TRAF7: variants seen among roughly 807,000 people sequenced by gnomAD.
TRAF7 encodes E3 ubiquitin-protein ligase TRAF7.
In TRAF7, 45 loss-of-function variants were observed where a neutral mutation model predicts 89.3. That is an observed-to-expected ratio of 0.50 (90% CI 0.40 to 0.65). The LOEUF is 0.65. Among genes scored for constraint, TRAF7 ranks in the 30% least tolerant of loss-of-function variants. The probability of loss-of-function intolerance (pLI) is 0.00; values close to 1 mark genes in which losing one functional copy is unlikely to be tolerated. For synonymous variants in TRAF7, 406 were observed against 369.2 expected (o/e 1.10, Z -1.14); for missense variants, 677 against 918.1 (o/e 0.74, Z 3.39).
chr16:2,173,546 A>G lies in TRAF7; in HGVS notation c.1078A>G (p.Met360Val). 1 of 1,612,818 alleles carries G rather than the reference A, an allele frequency of 6.2e-7. No individual in the cohort carries two copies. The highest frequency in any genetic ancestry group is 1.1e-5 in the South Asian group (1 of 91,082). Residue 360 changes from methionine (M) to valine (V), a missense_variant, in exon 11 of 21, where the codon ATG (methionine) becomes GTG (valine). Coordinates refer to ENST00000326181, the MANE Select transcript of TRAF7 (RefSeq NM_032271.3). ...CATGGAGTTCCGGCGGGACGCATCC[A>G]TGTTAAATGTGAGCGGGCGGGGCTG... ...DLMEFRRDASMLNDELSHINA... is the reference protein window; with the variant it reads ...DLMEFRRDASVLNDELSHINA...
chr16:2,156,281 A>G (rs373745760), intron 1 of TRAF7, among the ~76,000 whole-genome samples: 1 of 152,072 alleles, frequency 6.6e-6, no homozygotes, highest in African/African-American at 2.4e-5. Flanking sequence ...GCTGCCCTGT[A>G]CATTGTAGGA....
At chr16:2,176,221 G>A (rs541358897) in intron 19 of TRAF7, 41 bp downstream of exon 19, 192 of 1,601,088 alleles carry the variant, frequency 1.2e-4, no homozygotes, top group Non-Finnish European at 1.6e-4. Context: ...TCAGAGGGCT[G>A]GCAGCTGAGC....
In TRAF7 at chr16:2,163,863, C is replaced by T; in HGVS notation, c.-38-20C>T. The T allele has an allele frequency of 2.7e-6, 4 of 1,500,796 alleles. No homozygotes were observed. Among genetic ancestry groups the T allele is most frequent in the Non-Finnish European group, 3.7e-6 (4 of 1,088,016 alleles). The allele number at this position is 1,500,796 out of a possible 1,614,324, so 93.0% of individuals were successfully genotyped here. A position where few individuals can be genotyped will look rare whatever the true frequency, so the allele number is the denominator to read the frequency against. On this transcript the variant is annotated intron_variant, in intron 1 of 20. Coordinates refer to ENST00000326181, the MANE Select transcript of TRAF7 (RefSeq NM_032271.3). This position sits in a 1 kb window ranked among gnomAD's most constrained non-coding sequence, Gnocchi z 4.3. ...CCTGGGCTCCATCTCTCAAGCCCCTCATTTGTGCTCCACCCACAGGAGGTG... is the reference window on the plus strand; with the variant it reads ...CCTGGGCTCCATCTCTCAAGCCCCTTATTTGTGCTCCACCCACAGGAGGTG...
chr16:2,176,965 A>G lies in TRAF7; in HGVS notation c.*391A>G. The G allele has an allele frequency of 4.7e-6, 2 of 422,184 alleles. No individual in the cohort carries two copies. The highest frequency in any genetic ancestry group is 5.0e-5 in the South Asian group (2 of 39,884). 26.2% of individuals were successfully genotyped at this position (422,184 alleles called of 1,614,324 possible). On this transcript the variant is annotated 3_prime_UTR_variant, in exon 21 of 21. Coordinates refer to ENST00000326181, the MANE Select transcript of TRAF7 (RefSeq NM_032271.3). The stretch of plus-strand genomic sequence containing the variant: ...CTGTGAGTGGGGACAGCTCCTCGGG[A>G]CAAGGGGGCTGTGTGTGGCCTTGAG...
chr16:2,173,677 G>T, intron 11 of TRAF7, 111 bp from the exon 12 acceptor site: 1 of 1,572,672 alleles, frequency 6.4e-7, no homozygotes, highest in South Asian at 1.1e-5. Flanking sequence ...TGTGGCAGGG[G>T]CTGCTGTCAC....
Position 2,163,842 on chromosome 16 carries a change from G to T in TRAF7, c.-38-41G>T. The T allele has an allele frequency of 7.6e-7, 1 of 1,317,442 alleles. No homozygotes were observed. Among genetic ancestry groups the T allele is most frequent in the Non-Finnish European group, 1.1e-6 (1 of 928,848 alleles). The allele number at this position is 1,317,442 out of a possible 1,614,324, so 81.6% of individuals were successfully genotyped here. ...AGCCCGTCTGACTCACAGGGGCCTG[G>T]GCTCCATCTCTCAAGCCCCTCATTT... On this transcript the variant is annotated intron_variant, in intron 1 of 20. Coordinates refer to ENST00000326181, the MANE Select transcript of TRAF7 (RefSeq NM_032271.3). This position sits in a 1 kb window ranked among gnomAD's most constrained non-coding sequence, Gnocchi z 4.3.
rs572859857 is a variant in TRAF7, at chr16:2,162,960, C to G, written c.-38-923C>G. On this transcript the variant is annotated intron_variant, in intron 1 of 20. Transcript: ENST00000326181. This position sits in a 1 kb window ranked among gnomAD's most constrained non-coding sequence, Gnocchi z 5.0. Reference sequence around the variant, plus strand: ...GAGGAGGGGCGCCTGCTGACAGAGCCTGGTGCCTCACGGGGGGAGAGTGGG... The same window carrying G: ...GAGGAGGGGCGCCTGCTGACAGAGCGTGGTGCCTCACGGGGGGAGAGTGGG... Among the ~76,000 whole-genome samples the G allele has an allele frequency of 5.3e-5, 8 of 151,368 alleles. No homozygotes were observed. The highest frequency in any genetic ancestry group is 4.6e-4 in the Admixed American group (7 of 15,306).
chr16:2,164,101 G>T, intron 2 of TRAF7, 100 bp downstream of exon 2: 2 of 1,168,334 alleles, frequency 1.7e-6, no homozygotes, highest in Non-Finnish European at 1.2e-6. Flanking sequence ...GTCCCGTCCC[G>T]AGCTGGGGTC....
At position 2,170,582 on chromosome 16, in the gene TRAF7, G is replaced by T. The variant is rs1051916026; in HGVS notation, c.232-32G>T. ...CCCCGAGGCTCTGACCCCGTGCGGAGCCCCCCGACAGGCGCCTCTCCCTCC... is the reference window on the plus strand; with the variant it reads ...CCCCGAGGCTCTGACCCCGTGCGGATCCCCCCGACAGGCGCCTCTCCCTCC... On this transcript the variant is annotated intron_variant, in intron 4 of 20. Coordinates refer to ENST00000326181, the MANE Select transcript of TRAF7 (RefSeq NM_032271.3). 3 of 1,564,408 alleles carry T rather than the reference G, an allele frequency of 1.9e-6. No homozygotes were observed. The Admixed American group carries it at 5.0e-5, about 26-fold the overall frequency.
intron 4 of TRAF7, among the ~76,000 whole-genome samples, chr16:2,169,332 G>A (rs576573467): frequency 1.8e-4 from 28 of 152,282 alleles, no homozygotes; most frequent in Non-Finnish European, 3.2e-4. Context: ...TGTGCCGGGC[G>A]CTGTGCTAGG....
At position 2,158,775 on chromosome 16, in the gene TRAF7, G is replaced by C. The variant is rs540779959; in HGVS notation, c.-39+2917G>C. Among the ~76,000 whole-genome samples, 16 of 151,440 alleles carry C rather than the reference G, an allele frequency of 1.1e-4. No homozygotes were observed. The East Asian group carries it at 1.2e-3, about 11-fold the overall frequency. On this transcript the variant is annotated intron_variant, in intron 1 of 20. Transcript: ENST00000326181. This position sits in a 1 kb window ranked among gnomAD's most constrained non-coding sequence, Gnocchi z 4.7. Reference sequence around the variant, plus strand: ...TGGGAAGCGTGGGCTCGGCGGGGGGGGGGGGGACACTGCCACCCTTGGCTC... The same window carrying C: ...TGGGAAGCGTGGGCTCGGCGGGGGGCGGGGGGACACTGCCACCCTTGGCTC...
intron 3 of TRAF7, 50 bp downstream of exon 3, chr16:2,165,986 C>G (rs2093085298): frequency 1.9e-6 from 3 of 1,605,738 alleles, no homozygotes; most frequent in African/African-American, 1.3e-5. Context: ...CCGGGGCACC[C>G]CCATGCCCAC....
chr16:2,169,587 A>G (rs2093099960), intron 4 of TRAF7, among the ~76,000 whole-genome samples: 1 of 152,022 alleles, frequency 6.6e-6, no homozygotes, highest in African/African-American at 2.4e-5. Flanking sequence ...CCTACGCCCA[A>G]GAGGGTGGGA....
intron 15 of TRAF7, 69 bp downstream of exon 15, chr16:2,175,219 G>A: frequency 6.2e-7 from 1 of 1,612,666 alleles, no homozygotes; most frequent in South Asian, 1.1e-5. Flanking sequence ...GGTGCCCCAG[G>A]GACGTGTTTC....
intron 9 of TRAF7, among the ~76,000 whole-genome samples, chr16:2,172,827 T>G (rs531741036): frequency 7.5e-6 from 1 of 133,554 alleles, no homozygotes; most frequent in South Asian, 2.2e-4. Context: ...TGGGCGGATT[T>G]GAGCAAATGC....
At chr16:2,165,392 G>A (rs2093080907) in intron 2 of TRAF7, among the ~76,000 whole-genome samples, 1 of 138,384 alleles carries the variant, frequency 7.2e-6, no homozygotes, top group African/African-American at 2.8e-5. Flanking sequence ...GCATGGTTAA[G>A]CGTGTGAGTG....
At chr16:2,160,463 TGGATG>T in intron 1 of TRAF7, among the ~76,000 whole-genome samples, 1 of 136,316 alleles carries the variant, frequency 7.3e-6, no homozygotes, top group East Asian at 2.1e-4. Flanking sequence ...GCAGGCGGTG[TGGATG>T]GGCGGGCGGT....
At chr16:2,165,256 G>A (rs1410119056) in intron 2 of TRAF7, among the ~76,000 whole-genome samples, 2 of 141,702 alleles carry the variant, frequency 1.4e-5, no homozygotes, top group Non-Finnish European at 3.0e-5. Flanking sequence ...GCGCGGCCTG[G>A]TCGCATGGTT....
At chr16:2,170,807 C>A (rs1047792061) in intron 5 of TRAF7, 77 bp downstream of exon 5, 1 of 1,332,184 alleles carries the variant, frequency 7.5e-7, no homozygotes, top group African/African-American at 1.4e-5. Context: ...CCTTCCCCTC[C>A]GCCATGCCCG....
Sources: allele counts gnomAD v4.1 joint callset (sites outside exome capture counted in the v4.1 genomes callset), GRCh38; gene constraint gnomAD v4.1.1; non-coding constraint Gnocchi (gnomAD v3.1); transcripts MANE v1.5; gene names NCBI Gene and HGNC (gene_info 2026-07-23, HGNC 2026-07-21).